Variants in NR3C2 observed in about 807,000 individuals in gnomAD.
The protein encoded by NR3C2 is mineralocorticoid receptor.
In NR3C2, 15 loss-of-function variants were observed where a neutral mutation model predicts 86.4. That is an observed-to-expected ratio of 0.17 (90% CI 0.12 to 0.27). NR3C2 has a LOEUF of 0.27. Ranked by LOEUF, NR3C2 falls within the 10% of genes least tolerant of loss-of-function variation. The probability of loss-of-function intolerance (pLI) is 1.00; values close to 1 mark genes in which losing one functional copy is unlikely to be tolerated. For missense variants in NR3C2, 960 were observed against 1,195.6 expected (o/e 0.80, Z 2.91); for synonymous variants, 458 against 450.5 (o/e 1.02, Z -0.21).
chr4:148,265,769 G>C (rs1740354353), intron 2 of NR3C2, among the ~76,000 whole-genome samples: 1 of 152,104 alleles, frequency 6.6e-6, no homozygotes, highest in African/African-American at 2.4e-5. Context: ...CATATAAACA[G>C]CAGATCAGTA....
At chr4:148,406,165 A>C (rs1748414289) in intron 2 of NR3C2, among the ~76,000 whole-genome samples, 1 of 152,144 alleles carries the variant, frequency 6.6e-6, no homozygotes, top group African/African-American at 2.4e-5. Context: ...GACTGTCTCA[A>C]AACAAAAAAA....
intron 3 of NR3C2, among the ~76,000 whole-genome samples, chr4:148,241,196 C>T (rs1428063931): frequency 5.4e-5 from 8 of 147,542 alleles, no homozygotes; most frequent in African/African-American, 2.0e-4. Flanking sequence ...GTCCCAGCAA[C>T]TCAGGAGGCT....
At chr4:148,150,600 T>C (rs1469414635) in intron 6 of NR3C2, among the ~76,000 whole-genome samples, 2 of 152,212 alleles carry the variant, frequency 1.3e-5, no homozygotes, top group Admixed American at 6.5e-5. Context: ...GTTTATAGCA[T>C]GAGAGCTGAA....
Position 148,154,834 on chromosome 4 carries a change from G to A in NR3C2, c.2082C>T (p.Pro694=), listed in dbSNP as rs202017956. 1.1e-5 allele frequency: 13 copies of A among 1,151,224 alleles called. No homozygotes were observed. The highest frequency in any genetic ancestry group is 1.6e-5 in the Non-Finnish European group (13 of 831,104). 71.3% of individuals were successfully genotyped at this position (1,151,224 alleles called of 1,614,324 possible). A position where few individuals can be genotyped will look rare whatever the true frequency, so the allele number is the denominator to read the frequency against. The change falls in exon 5 of 9, where the codon CCC becomes CCT. Residue 694 remains proline (P), a synonymous_variant. Transcript: ENST00000358102. The part of the protein sequence containing the change: ...IHEEQPQQQQ[P]PPPPPPPQSP... ...TTTGCGGGGGTGGGGGTGGGGGTGG[G>A]GGCTGCTGCTGCTGTGGCTGCTCCT...
At chr4:148,295,970 A>G (rs920880338) in intron 2 of NR3C2, among the ~76,000 whole-genome samples, 7 of 149,710 alleles carry the variant, frequency 4.7e-5, no homozygotes, top group African/African-American at 1.7e-4. Context: ...CATGGCAAAC[A>G]TGGAACACAG....
At chr4:148,241,131 C>T (rs1305239835) in intron 3 of NR3C2, among the ~76,000 whole-genome samples, 1 of 151,582 alleles carries the variant, frequency 6.6e-6, no homozygotes, top group African/African-American at 2.4e-5. Flanking sequence ...CATGGTGAAA[C>T]CCCGTCTCTA....
intron 3 of NR3C2, among the ~76,000 whole-genome samples, chr4:148,229,134 C>T (rs1738331829): frequency 6.6e-6 from 1 of 152,156 alleles, no homozygotes; most frequent in Admixed American, 6.5e-5. Context: ...ATGCAGGAGG[C>T]AGATAAGGGA....
intron 3 of NR3C2, among the ~76,000 whole-genome samples, chr4:148,220,465 T>C (rs1286580062): frequency 1.3e-5 from 2 of 152,068 alleles, no homozygotes; most frequent in Non-Finnish European, 2.9e-5. Flanking sequence ...AGAGAAACCA[T>C]AAGTTAAGGA....
intron 2 of NR3C2, among the ~76,000 whole-genome samples, chr4:148,275,886 T>A (rs1165947229): frequency 6.6e-6 from 1 of 152,118 alleles, no homozygotes; most frequent in African/African-American, 2.4e-5. Context: ...ATTCCTGAAA[T>A]AGGGAAAAGT....
chr4:148,361,205 T>G (rs1200012672), intron 2 of NR3C2, among the ~76,000 whole-genome samples: 1 of 152,082 alleles, frequency 6.6e-6, no homozygotes, highest in Non-Finnish European at 1.5e-5. Context: ...AGAATAAATT[T>G]TAAATAAAAA....
rs1323481534 is a variant in NR3C2, at chr4:148,194,789, A to G, written c.1971T>C (p.Ala657=). ...IDKIRRKNCP[A]CRLQKCLQAG... is the part of the protein sequence containing the mutation. The stretch of plus-strand genomic sequence containing the variant: ...CTTGAAGACATTTCTGAAGTCTGCA[A>G]GCAGGACAATTCTTTCGTCGAATCT... The change falls in exon 4 of 9, where the codon GCT becomes GCC. Residue 657 remains alanine (A), a synonymous_variant. Transcript: ENST00000358102. The G allele has an allele frequency of 6.2e-7, 1 of 1,612,480 alleles. No homozygotes were observed. Among genetic ancestry groups the G allele is most frequent in the Admixed American group, 1.7e-5 (1 of 60,016 alleles).
At chr4:148,387,138 G>A (rs549975716) in intron 2 of NR3C2, among the ~76,000 whole-genome samples, 3 of 152,288 alleles carry the variant, frequency 2.0e-5, no homozygotes, top group East Asian at 1.9e-4. Context: ...CTCTTTAAGC[G>A]GATTTGACTT....
intron 6 of NR3C2, among the ~76,000 whole-genome samples, chr4:148,142,004 G>C (rs775639078): frequency 6.6e-6 from 1 of 152,096 alleles, no homozygotes; most frequent in Admixed American, 6.5e-5. Context: ...AGTCAGCAGC[G>C]AGAAAGTATG....
intron 2 of NR3C2, among the ~76,000 whole-genome samples, chr4:148,322,251 G>A (rs112385064): frequency 6.7e-6 from 1 of 149,928 alleles, no homozygotes; most frequent in Non-Finnish European, 1.5e-5. Flanking sequence ...GAGATCCGCT[G>A]TTAGTCTGAT....
At position 148,436,543 on chromosome 4, in the gene NR3C2, A is replaced by G; in HGVS notation, c.318T>C (p.Gly106=). 1.2e-6 allele frequency: 2 copies of G among 1,614,072 alleles called. No individual in the cohort carries two copies. Among genetic ancestry groups the G allele is most frequent in the Non-Finnish European group, 1.7e-6 (2 of 1,180,000 alleles). The change falls in exon 2 of 9, where the codon GGT becomes GGC. Residue 106 remains glycine (G), a synonymous_variant. Coordinates refer to ENST00000358102, the MANE Select transcript of NR3C2 (RefSeq NM_000901.5). Reference sequence around the variant, plus strand: ...CATCTCTTACAGAATCCATATATAAACCCATGGACTCAGCTACAGTTGCTG... The same window carrying G: ...CATCTCTTACAGAATCCATATATAAGCCCATGGACTCAGCTACAGTTGCTG... ...ELSATVAESM[G]LYMDSVRDAD...
At chr4:148,376,504 T>A (rs1200259162) in intron 2 of NR3C2, among the ~76,000 whole-genome samples, 1 of 152,222 alleles carries the variant, frequency 6.6e-6, no homozygotes, top group Non-Finnish European at 1.5e-5. Context: ...TCAGTGACTC[T>A]CAAAATATGG....
intron 4 of NR3C2, among the ~76,000 whole-genome samples, chr4:148,185,131 T>C (rs1482157395): frequency 1.3e-5 from 2 of 152,234 alleles, no homozygotes; most frequent in African/African-American, 4.8e-5. Context: ...ACCATACATT[T>C]ACTCATCAAA....
At chr4:148,275,051 A>G (rs1740894704) in intron 2 of NR3C2, among the ~76,000 whole-genome samples, 1 of 152,204 alleles carries the variant, frequency 6.6e-6, no homozygotes, top group South Asian at 2.1e-4. Context: ...GATAAAGGGC[A>G]TATAATTCTA....
intron 2 of NR3C2, among the ~76,000 whole-genome samples, chr4:148,378,060 C>T (rs552815317): frequency 1.6e-3 from 250 of 152,168 alleles, no homozygotes; most frequent in Middle Eastern, 0.014. Flanking sequence ...TGTTCCACTC[C>T]GATTAATCAC....
Sources: gnomAD v4.1 joint callset for allele counts (sites outside exome capture counted in the v4.1 genomes callset) on GRCh38, gnomAD v4.1.1 for gene constraint, MANE v1.5 for transcripts, NCBI Gene and HGNC (gene_info 2026-07-23, HGNC 2026-07-21) for gene names.